Variants in ARID1B observed in about 807,000 individuals in gnomAD.
The protein encoded by ARID1B is AT-rich interactive domain-containing protein 1B.
A neutral mutation model predicts 212.3 loss-of-function variants in ARID1B; 30 were observed. That is an observed-to-expected ratio of 0.14 (90% CI 0.11 to 0.19). ARID1B has a LOEUF of 0.19. ARID1B is among the 10% of genes least tolerant of loss of function. The pLI is 1.00. For missense variants in ARID1B, 2,891 were observed against 3,204.0 expected, an observed-to-expected ratio of 0.90 and a Z score of 2.36; for synonymous variants, 1,402 against 1,301.7, an observed-to-expected ratio of 1.08 and a Z score of -1.66.
At chr6:157,074,482 C>T (rs995987817) in intron 4 of ARID1B, among the ~76,000 whole-genome samples, 1 of 152,124 alleles carries the variant, frequency 6.6e-6, no homozygotes, top group African/African-American at 2.4e-5. Flanking sequence ...ACCTCGGCCT[C>T]CCAAAGTGCT....
At chr6:156,903,713 A>G (rs1733028359) in intron 3 of ARID1B, among the ~76,000 whole-genome samples, 1 of 152,256 alleles carries the variant, frequency 6.6e-6, no homozygotes, top group Admixed American at 6.5e-5. Context: ...GCTAAATCTT[A>G]ATAACACTGA....
chr6:157,020,644 G>A (rs1454111499), intron 4 of ARID1B, among the ~76,000 whole-genome samples: 2 of 152,102 alleles, frequency 1.3e-5, no homozygotes, highest in African/African-American at 4.8e-5. Context: ...CTCAGATCGC[G>A]AGTCAAAATA....
intron 4 of ARID1B, among the ~76,000 whole-genome samples, chr6:157,051,866 A>G (rs919784025): frequency 6.6e-6 from 1 of 152,216 alleles, no homozygotes; most frequent in African/African-American, 2.4e-5. Context: ...CTTTTGTCAC[A>G]TGATATATTA....
At chr6:157,160,202 C>T (rs1790840631) in intron 8 of ARID1B, among the ~76,000 whole-genome samples, 1 of 152,178 alleles carries the variant, frequency 6.6e-6, no homozygotes, top group African/African-American at 2.4e-5. Context: ...GACCCCAAAC[C>T]TCTGCTTCCT....
chr6:156,779,609 C>T, intron 1 of ARID1B, 138 bp downstream of exon 1: 1 of 924,742 alleles, frequency 1.1e-6, no homozygotes, highest in Non-Finnish European at 1.3e-6. Flanking sequence ...GCCATCTTGA[C>T]GGGCGGCCGC....
intron 8 of ARID1B, among the ~76,000 whole-genome samples, chr6:157,156,693 G>A (rs1031552859): frequency 1.3e-5 from 2 of 152,192 alleles, no homozygotes; most frequent in African/African-American, 4.8e-5. Flanking sequence ...CACCCAGCCA[G>A]GGGGCCAAGG....
intron 1 of ARID1B, among the ~76,000 whole-genome samples, chr6:156,821,722 T>C (rs1341525269): frequency 6.6e-6 from 1 of 152,232 alleles, no homozygotes; most frequent in East Asian, 1.9e-4. Context: ...ATAATGTAAG[T>C]CTGGGATCTT....
chr6:156,930,964 G>A (rs984818469), intron 3 of ARID1B, among the ~76,000 whole-genome samples: 24 of 152,236 alleles, frequency 1.6e-4, no homozygotes, highest in African/African-American at 5.3e-4. Context: ...GCCAAGGCGG[G>A]CAGTTCACAA....
chr6:156,784,931 T>C (rs1779532869), intron 1 of ARID1B, among the ~76,000 whole-genome samples: 1 of 152,154 alleles, frequency 6.6e-6, no homozygotes, highest in Admixed American at 6.5e-5. Flanking sequence ...GGCTAATTTT[T>C]GTATTTTTCG....
intron 4 of ARID1B, chr6:156,939,424 C>T (rs961403299): frequency 3.9e-5 from 6 of 151,966 alleles, no homozygotes; most frequent in Non-Finnish European, 5.9e-5. Context: ...ATTATTTATC[C>T]TTTTATTATA....
chr6:156,932,145 A>AGGGG (rs61152353), intron 3 of ARID1B, among the ~76,000 whole-genome samples: 41 of 61,378 alleles, frequency 6.7e-4, no homozygotes, highest in Non-Finnish European at 8.6e-4. Context: ...AAAAAAAAAA[A>AGGGG]GGGGGGGGGC....
intron 5 of ARID1B, among the ~76,000 whole-genome samples, chr6:157,101,653 A>T (rs1045801358): frequency 5.3e-5 from 8 of 149,906 alleles, no homozygotes; most frequent in Non-Finnish European, 1.2e-4. Context: ...TTTTTTTTTT[A>T]ACCTCATTTG....
intron 1 of ARID1B, among the ~76,000 whole-genome samples, chr6:156,824,172 A>T (rs184025579): frequency 1.1e-3 from 161 of 152,374 alleles, no homozygotes; most frequent in African/African-American, 3.8e-3. Flanking sequence ...AGGAGGAGGA[A>T]AGTCTTATCA....
chr6:157,013,340 T>G (rs1341812065), intron 4 of ARID1B, among the ~76,000 whole-genome samples: 5 of 152,212 alleles, frequency 3.3e-5, no homozygotes, highest in Non-Finnish European at 7.4e-5. Context: ...TTGCATGACA[T>G]TTAGATCCAG....
At chr6:157,157,978 G>A (rs953723796) in intron 8 of ARID1B, among the ~76,000 whole-genome samples, 2 of 152,216 alleles carry the variant, frequency 1.3e-5, no homozygotes, top group African/African-American at 2.4e-5. Context: ...AGCGAGGATC[G>A]TGCCAGTGCA....
chr6:156,946,938 G>C (rs564790108), intron 4 of ARID1B, among the ~76,000 whole-genome samples: 91 of 152,284 alleles, frequency 6.0e-4, no homozygotes, highest in African/African-American at 2.1e-3. Flanking sequence ...GTTCTTTATA[G>C]AAGTAAAACA....
At chr6:156,788,221 A>G (rs1389041289) in intron 1 of ARID1B, among the ~76,000 whole-genome samples, 1 of 152,118 alleles carries the variant, frequency 6.6e-6, no homozygotes, top group Non-Finnish European at 1.5e-5. Flanking sequence ...ATTAAACCAC[A>G]CTAGATCCCA....
chr6:156,852,290 A>G (rs1047451281), intron 2 of ARID1B, among the ~76,000 whole-genome samples: 1 of 151,808 alleles, frequency 6.6e-6, no homozygotes, highest in Non-Finnish European at 1.5e-5. Context: ...GTACAGAAAA[A>G]ATTTTTAAAA....
chr6:156,909,490 G>C (rs1789697569), intron 3 of ARID1B, among the ~76,000 whole-genome samples: 1 of 152,094 alleles, frequency 6.6e-6, no homozygotes, highest in East Asian at 1.9e-4. Flanking sequence ...AATTCCACTT[G>C]TCTACAAACC....
Sources: allele counts gnomAD v4.1 joint callset (sites outside exome capture counted in the v4.1 genomes callset), GRCh38; gene constraint gnomAD v4.1.1; transcripts MANE v1.5; gene names NCBI Gene and HGNC (gene_info 2026-07-23, HGNC 2026-07-21).